GABBR2: variants seen among roughly 807,000 people sequenced by gnomAD.
The protein encoded by GABBR2 is gamma-aminobutyric acid type B receptor subunit 2.
Under a neutral mutation model 105.6 loss-of-function variants are expected in GABBR2, and 23 were observed. The ratio of observed to expected loss-of-function variants is 0.22; its 90% CI spans 0.16 to 0.31. The LOEUF is 0.31. Ranked by LOEUF, GABBR2 falls within the 10% of genes least tolerant of loss-of-function variation. The pLI, the probability that GABBR2 is intolerant of heterozygous loss-of-function variation, is 1.00. For missense variants in GABBR2, 734 were observed against 1,245.5 expected (o/e 0.59, Z 6.18); for synonymous variants, 478 against 499.7 (o/e 0.96, Z 0.58).
chr9:98,550,061 G>T (rs545784995), intron 2 of GABBR2, among the ~76,000 whole-genome samples: 1 of 152,192 alleles, frequency 6.6e-6, no homozygotes, highest in African/African-American at 2.4e-5. Flanking sequence ...ATCCTGGAGC[G>T]TCAAGATAGT....
intron 18 of GABBR2, among the ~76,000 whole-genome samples, chr9:98,291,616 G>A (rs1830304286): frequency 6.6e-6 from 1 of 152,172 alleles, no homozygotes; most frequent in East Asian, 1.9e-4. Flanking sequence ...ACACTGATGT[G>A]ATATTTGGGG....
intron 8 of GABBR2, among the ~76,000 whole-genome samples, chr9:98,398,175 T>C (rs534902763): frequency 9.2e-5 from 14 of 152,262 alleles, no homozygotes; most frequent in Admixed American, 3.9e-4. Context: ...TGGCTCCAAA[T>C]TGGGGGAGCC....
At chr9:98,293,404 A>G (rs765925531) in intron 18 of GABBR2, among the ~76,000 whole-genome samples, 2 of 152,208 alleles carry the variant, frequency 1.3e-5, no homozygotes, top group Non-Finnish European at 2.9e-5. Context: ...CGTTTTCTTC[A>G]CCGCTGTAAC....
intron 1 of GABBR2, among the ~76,000 whole-genome samples, chr9:98,639,983 C>T (rs1829937186): frequency 6.6e-6 from 1 of 152,102 alleles, no homozygotes; most frequent in South Asian, 2.1e-4. Flanking sequence ...CTCTGAAACT[C>T]CATTCTTACC....
rs148010436 is a variant in GABBR2, at chr9:98,414,109, A to T, written c.1237-7968T>A. ...GTGTAGGGTCTGGTGGAAGACAGAGACATTAAGCAATAAACACACGGATAA... is the reference window on the plus strand; with the variant it reads ...GTGTAGGGTCTGGTGGAAGACAGAGTCATTAAGCAATAAACACACGGATAA... On this transcript the variant is annotated intron_variant, in intron 7 of 18. Transcript: ENST00000259455. Among the ~76,000 whole-genome samples the T allele has an allele frequency of 2.0e-5, 3 of 151,940 alleles. No individual in the cohort carries two copies. In the East Asian group the frequency reaches 5.8e-4, roughly 29 times the overall value.
At chr9:98,570,070 A>T (rs1001526823) in intron 2 of GABBR2, among the ~76,000 whole-genome samples, 7 of 152,306 alleles carry the variant, frequency 4.6e-5, no homozygotes, top group African/African-American at 1.7e-4. Context: ...TCCTAAACGT[A>T]TTGGGACTCC....
At chr9:98,664,730 A>C (rs1830311395) in intron 1 of GABBR2, among the ~76,000 whole-genome samples, 1 of 152,160 alleles carries the variant, frequency 6.6e-6, no homozygotes, top group South Asian at 2.1e-4. Flanking sequence ...AGATACATGT[A>C]CCCAGAGGGA....
chr9:98,651,132 C>T (rs994145448), intron 1 of GABBR2, among the ~76,000 whole-genome samples: 3 of 142,574 alleles, frequency 2.1e-5, no homozygotes, highest in African/African-American at 7.7e-5. Context: ...CACACATACA[C>T]ACACTGGTTT....
chr9:98,563,992 A>C lies in GABBR2; in HGVS notation c.459+13943T>G, dbSNP rs1001057092. ...TAGTTATTGATTTTCACCAACAACC[A>C]GTCGATCTATTTTCTGAGTTTGAAG... On this transcript the variant is annotated intron_variant, in intron 2 of 18. Coordinates refer to ENST00000259455, the MANE Select transcript of GABBR2 (RefSeq NM_005458.8). Among the ~76,000 whole-genome samples, 5 of 152,250 alleles carry C rather than the reference A, an allele frequency of 3.3e-5. No homozygotes were observed. In the East Asian group the frequency reaches 9.7e-4, roughly 30 times the overall value.
intron 13 of GABBR2, among the ~76,000 whole-genome samples, chr9:98,318,253 CA>C (rs1564014577): frequency 1.3e-5 from 2 of 152,276 alleles, no homozygotes; most frequent in Admixed American, 6.5e-5. Flanking sequence ...TAAGCAGTTC[CA>C]GGGGAGGAGC....
chr9:98,551,272 G>A (rs1828481187), intron 2 of GABBR2, among the ~76,000 whole-genome samples: 1 of 151,988 alleles, frequency 6.6e-6, no homozygotes, highest in African/African-American at 2.4e-5. Flanking sequence ...GCGTGGTGGT[G>A]GGCACCTGTA....
intron 1 of GABBR2, among the ~76,000 whole-genome samples, chr9:98,581,590 C>G (rs994887963): frequency 6.6e-6 from 1 of 151,914 alleles, no homozygotes; most frequent in East Asian, 1.9e-4. Flanking sequence ...ATCCCTGTTC[C>G]TTGATTGAAA....
At chr9:98,458,087 G>T (rs1826358097) in intron 6 of GABBR2, among the ~76,000 whole-genome samples, 1 of 152,204 alleles carries the variant, frequency 6.6e-6, no homozygotes, top group Admixed American at 6.5e-5. Flanking sequence ...ATAAATAGTG[G>T]TTAGGTCCCA....
intron 2 of GABBR2, among the ~76,000 whole-genome samples, chr9:98,562,512 G>A (rs1173353538): frequency 6.6e-6 from 1 of 152,196 alleles, no homozygotes; most frequent in African/African-American, 2.4e-5. Flanking sequence ...GCATGCTAAT[G>A]TATTAGGGGT....
At chr9:98,576,401 C>A (rs1828907970) in intron 2 of GABBR2, among the ~76,000 whole-genome samples, 2 of 152,198 alleles carry the variant, frequency 1.3e-5, no homozygotes, top group South Asian at 4.1e-4. Context: ...CCTTCTCACC[C>A]TTTGGGTCTC....
At chr9:98,520,081 T>C (rs1164091005) in intron 3 of GABBR2, among the ~76,000 whole-genome samples, 1 of 152,186 alleles carries the variant, frequency 6.6e-6, no homozygotes, top group Non-Finnish European at 1.5e-5. Context: ...CTTTTTTTCT[T>C]GTCTGTTAAA....
intron 1 of GABBR2, among the ~76,000 whole-genome samples, chr9:98,670,204 T>C (rs1439599838): frequency 6.6e-6 from 1 of 152,094 alleles, no homozygotes. Flanking sequence ...TACAATTCAA[T>C]ACTTTCTAGT....
rs1171438258 is a variant in GABBR2 at position 98,542,063 on chromosome 9, C to CA, written c.460-21dup. ...AGAAAGCTGAAAAACACAAAAGAGA[C>CA]AACGCTTTTTACTGATGAGCCTCAC... On this transcript the variant is annotated intron_variant, in intron 2 of 18. Coordinates refer to ENST00000259455, the MANE Select transcript of GABBR2 (RefSeq NM_005458.8). The CA allele has an allele frequency of 1.2e-6, 2 of 1,610,864 alleles. No homozygotes were observed. The highest frequency in any genetic ancestry group is 2.7e-5 in the African/African-American group (2 of 74,992).
intron 1 of GABBR2, among the ~76,000 whole-genome samples, chr9:98,673,599 G>A (rs10116207): frequency 7.4e-5 from 11 of 148,046 alleles, no homozygotes; most frequent in East Asian, 4.2e-4. Flanking sequence ...AAAAAAAACA[G>A]GGAATAAAAA....
Sources: allele counts gnomAD v4.1 joint callset (sites outside exome capture counted in the v4.1 genomes callset), GRCh38; gene constraint gnomAD v4.1.1; transcripts MANE v1.5; gene names NCBI Gene and HGNC (gene_info 2026-07-23, HGNC 2026-07-21).